Variants in TFDP2 observed in about 807,000 individuals in gnomAD.
TFDP2 encodes transcription factor Dp-2 (E2F dimerization partner 2).
A neutral mutation model predicts 59.3 loss-of-function variants in TFDP2; 17 were observed. The ratio of observed to expected loss-of-function variants is 0.29; its 90% confidence interval spans 0.20 to 0.43. The LOEUF (loss-of-function observed/expected upper bound fraction) is 0.43. TFDP2 is among the 20% of genes least tolerant of loss of function. The pLI is 1.00. For missense variants in TFDP2, 391 were observed against 528.8 expected (o/e 0.74, Z 2.56); for synonymous variants, 180 against 194.7 (o/e 0.92, Z 0.63).
chr3:142,079,445 G>A (rs1237664189), intron 3 of TFDP2, among the ~76,000 whole-genome samples: 2 of 152,244 alleles, frequency 1.3e-5, no homozygotes, highest in Non-Finnish European at 1.5e-5. Flanking sequence ...TTAAGGTGGA[G>A]GCAGAGAAAC....
chr3:142,010,099 A>G (rs1944540598), intron 3 of TFDP2, among the ~76,000 whole-genome samples: 1 of 152,224 alleles, frequency 6.6e-6, no homozygotes, highest in Non-Finnish European at 1.5e-5. Context: ...TCTCTATAGC[A>G]AGACTTAATA....
intron 1 of TFDP2, among the ~76,000 whole-genome samples, chr3:142,131,589 C>CAGATCAATACA (rs1402238298): frequency 6.7e-6 from 1 of 150,204 alleles, no homozygotes; most frequent in Non-Finnish European, 1.5e-5. Context: ...CAAATTAATA[C>CAGATCAATACA]AGATCAATAC....
chr3:141,973,124 T>TATATATATA (rs1553761667), intron 8 of TFDP2, among the ~76,000 whole-genome samples: 179 of 55,282 alleles, frequency 3.2e-3, no homozygotes, highest in African/African-American at 0.012. Context: ...TATATATATA[T>TATATATATA]TTTTTTTTTT....
At chr3:142,096,253 T>G (rs541386744) in intron 2 of TFDP2, among the ~76,000 whole-genome samples, 1 of 152,306 alleles carries the variant, frequency 6.6e-6, no homozygotes, top group South Asian at 2.1e-4. Flanking sequence ...TATATTTAAT[T>G]AAAACTTCAA....
At chr3:142,136,538 G>A (rs1439688234) in intron 1 of TFDP2, among the ~76,000 whole-genome samples, 1 of 151,998 alleles carries the variant, frequency 6.6e-6, no homozygotes, top group African/African-American at 2.4e-5. Flanking sequence ...TTCTTCTAGG[G>A]TTTTTATGGT....
chr3:142,123,905 C>T (rs2062142152), intron 1 of TFDP2, among the ~76,000 whole-genome samples: 1 of 152,002 alleles, frequency 6.6e-6, no homozygotes, highest in South Asian at 2.1e-4. Context: ...TACAGAGCAA[C>T]CCCAAGAGAT....
rs1413625186 is a variant in TFDP2, at chr3:141,973,118, TATA to T, written c.663+927_663+929del. Among the ~76,000 whole-genome samples, 88 of 87,608 alleles carry T rather than the reference TATA, an allele frequency of 1.0e-3. 1 individual carries two copies. Among genetic ancestry groups the T allele is most frequent in the African/African-American group, 3.4e-3 (71 of 20,884 alleles). 57.5% of individuals were successfully genotyped at this position (87,608 alleles called of 152,430 possible). A position where few individuals can be genotyped will look rare whatever the true frequency, so the allele number is the denominator to read the frequency against. On this transcript the variant is annotated intron_variant, in intron 8 of 12. Transcript: ENST00000489671. ...GTATATATATATATATATATATATA[TATA>T]TATTTTTTTTTTTTAAAGATGGAGT...
intron 9 of TFDP2, among the ~76,000 whole-genome samples, chr3:141,965,570 G>C (rs1445402591): frequency 2.3e-5 from 3 of 133,184 alleles, no homozygotes; most frequent in African/African-American, 8.4e-5. Context: ...AGGGGAAGGG[G>C]AAGGGGAAGG....
intron 3 of TFDP2, among the ~76,000 whole-genome samples, chr3:142,006,480 T>TTTTC (rs1346196283): frequency 6.6e-6 from 1 of 151,518 alleles, no homozygotes; most frequent in East Asian, 1.9e-4. Flanking sequence ...TTTTTTTTTT[T>TTTTC]TTTTTGAGAT....
rs936360262 is a variant in TFDP2, at chr3:141,945,119, A to G, written c.*7394T>C. 1.3e-5 allele frequency: 2 copies of G among 152,290 alleles called. No individual in the cohort carries two copies. Among genetic ancestry groups the G allele is most frequent in the African/African-American group, 4.8e-5 (2 of 41,428 alleles). 9.4% of individuals were successfully genotyped at this position (152,290 alleles called of 1,614,324 possible). The stretch of plus-strand genomic sequence containing the variant: ...GTGAACAACCTAGTGGTTTGGGCTC[A>G]TGGCCCTTTACCCACCTTTTTTTTT... On this transcript the variant is annotated 3_prime_UTR_variant, in exon 13 of 13. Transcript: ENST00000489671.
At chr3:141,967,800 T>C (rs897684781) in intron 9 of TFDP2, among the ~76,000 whole-genome samples, 1 of 152,098 alleles carries the variant, frequency 6.6e-6, no homozygotes, top group Non-Finnish European at 1.5e-5. Flanking sequence ...ACAATGTTCA[T>C]GGTACAGAGG....
intron 3 of TFDP2, among the ~76,000 whole-genome samples, chr3:142,070,831 A>C (rs544191191): frequency 1.5e-4 from 23 of 152,258 alleles, no homozygotes; most frequent in African/African-American, 4.8e-4. Context: ...CTGGTACATC[A>C]TTGGCCATTT....
At chr3:142,007,708 G>C (rs1451152109) in intron 3 of TFDP2, among the ~76,000 whole-genome samples, 1 of 152,156 alleles carries the variant, frequency 6.6e-6, no homozygotes, top group African/African-American at 2.4e-5. Context: ...GGGAGTGATG[G>C]GAGATAGTGA....
chr3:141,969,074 GAGAT>G (rs1939097404), intron 9 of TFDP2, among the ~76,000 whole-genome samples: 2 of 63,048 alleles, frequency 3.2e-5, no homozygotes, highest in South Asian at 4.3e-4. Flanking sequence ...TCATATATAT[GAGAT>G]ATATATATAT....
intron 4 of TFDP2, among the ~76,000 whole-genome samples, chr3:142,003,455 T>C (rs1943974970): frequency 6.6e-6 from 1 of 152,072 alleles, no homozygotes. Context: ...AGGTCACTAA[T>C]CCCCTCAATG....
At chr3:142,123,831 A>T (rs769246552) in intron 1 of TFDP2, among the ~76,000 whole-genome samples, 2 of 152,232 alleles carry the variant, frequency 1.3e-5, no homozygotes, top group Non-Finnish European at 1.5e-5. Flanking sequence ...GATGAAAGAT[A>T]GAAGTATATA....
intron 3 of TFDP2, among the ~76,000 whole-genome samples, chr3:142,017,931 C>T (rs984622468): frequency 1.3e-4 from 18 of 137,896 alleles, no homozygotes; most frequent in African/African-American, 4.5e-4. Flanking sequence ...GTAGTGTTGC[C>T]TCAATATTTT....
chr3:142,098,220 TA>T (rs2061224279), intron 2 of TFDP2, among the ~76,000 whole-genome samples: 1 of 150,598 alleles, frequency 6.6e-6, no homozygotes, highest in Admixed American at 6.6e-5. Context: ...AATTTTTCCA[TA>T]ATGAGTATTA....
At chr3:141,999,696 A>G (rs1943589268) in intron 4 of TFDP2, among the ~76,000 whole-genome samples, 1 of 152,178 alleles carries the variant, frequency 6.6e-6, no homozygotes, top group Non-Finnish European at 1.5e-5. Context: ...CACAAAAAGA[A>G]GGCTAAGAAG....
Sources: gnomAD v4.1 joint callset for allele counts (sites outside exome capture counted in the v4.1 genomes callset) on GRCh38, gnomAD v4.1.1 for gene constraint, MANE v1.5 for transcripts, NCBI Gene and HGNC (gene_info 2026-07-23, HGNC 2026-07-21) for gene names.